ATP6V0E1: variants seen among roughly 807,000 people sequenced by gnomAD.
ATP6V0E1 encodes V-type proton ATPase subunit e 1.
A neutral mutation model predicts 11.6 loss-of-function variants in ATP6V0E1; 4 were observed. The ratio of observed to expected loss-of-function variants is 0.35; its 90% confidence interval spans 0.17 to 0.79. The LOEUF (loss-of-function observed/expected upper bound fraction) is 0.79, where lower values mean the gene tolerates loss of function less well. Ranked by LOEUF, ATP6V0E1 falls within the 30% of genes least tolerant of loss-of-function variation. The probability of loss-of-function intolerance (pLI) is 0.54; values close to 1 mark genes in which losing one functional copy is unlikely to be tolerated. For synonymous variants in ATP6V0E1, 36 were observed against 34.8 expected (o/e 1.04, Z -0.13); for missense variants, 105 against 100.0 (o/e 1.05, Z -0.21).
intron 2 of ATP6V0E1, among the ~76,000 whole-genome samples, chr5:173,003,868 C>T (rs557703591): frequency 6.6e-6 from 1 of 152,224 alleles, no homozygotes; most frequent in South Asian, 2.1e-4. Context: ...AGATTTGAGG[C>T]CATGAGAACA....
intron 3 of ATP6V0E1, among the ~76,000 whole-genome samples, chr5:173,032,495 T>C (rs1298904044): frequency 6.6e-6 from 1 of 151,946 alleles, no homozygotes; most frequent in East Asian, 1.9e-4. Context: ...TTTACCATGC[T>C]GGCCAGGCTG....
intron 2 of ATP6V0E1, 150 bp downstream of exon 2, chr5:172,994,972 T>G: frequency 1.6e-6 from 1 of 622,744 alleles, no homozygotes. Context: ...TCAGTATATT[T>G]ATGTAGAGTT....
At chr5:173,008,470 T>G (rs1756262805) in intron 2 of ATP6V0E1, among the ~76,000 whole-genome samples, 1 of 150,832 alleles carries the variant, frequency 6.6e-6, no homozygotes, top group African/African-American at 2.4e-5. Context: ...CCAGCTAATT[T>G]TTGTTGTTTT....
At chr5:173,015,576 C>T (rs1756388040) in intron 2 of ATP6V0E1, among the ~76,000 whole-genome samples, 1 of 152,124 alleles carries the variant, frequency 6.6e-6, no homozygotes, top group South Asian at 2.1e-4. Context: ...CACAATGAAG[C>T]TTCCATAAAA....
In ATP6V0E1 at chr5:173,029,892, A is replaced by G. The variant is rs111399917; in HGVS notation, c.*37-4507A>G. On this transcript the variant is annotated intron_variant, in intron 3 of 3. Transcript: ENST00000519374. ...TCCCCAGTCTGCCTTCCTTCTCACT[A>G]CTTTCCCCTCCAGGCCCTAGTGGTG... Among the ~76,000 whole-genome samples the G allele has an allele frequency of 3.3e-3, 504 of 152,168 alleles. 2 individuals are homozygous for G. Among genetic ancestry groups the G allele is most frequent in the African/African-American group, 0.012 (483 of 41,518 alleles).
intron 2 of ATP6V0E1, among the ~76,000 whole-genome samples, chr5:173,005,336 G>A (rs1756213761): frequency 6.6e-6 from 1 of 152,050 alleles, no homozygotes; most frequent in African/African-American, 2.4e-5. Flanking sequence ...CAAATGTTTT[G>A]TAATTTTTGG....
At chr5:172,986,796 T>A in intron 1 of ATP6V0E1, 1 of 435,760 alleles carries the variant, frequency 2.3e-6, no homozygotes, top group Non-Finnish European at 4.6e-6. Flanking sequence ...TTTGTTTGTT[T>A]GTTTGTTTTT....
In ATP6V0E1 at chr5:173,024,477, AC is replaced by A. The variant is rs1756527137; in HGVS notation, c.*36+4111del. 5.9e-5 allele frequency among the ~76,000 whole-genome samples: 9 copies of A among 151,822 alleles called. No homozygotes were observed. The South Asian group carries it at 1.9e-3, about 32-fold the overall frequency. On this transcript the variant is annotated intron_variant, in intron 3 of 3. Transcript: ENST00000519374. The stretch of plus-strand genomic sequence containing the variant: ...GGTGTTAGTTTTTGGTAGTTTCCTT[AC>A]TTTCTGGCAACATCAAAATGTCCAG...
intron 1 of ATP6V0E1, among the ~76,000 whole-genome samples, chr5:172,994,238 C>T (rs540959084): frequency 4.3e-4 from 65 of 152,176 alleles, no homozygotes; most frequent in Admixed American, 1.0e-3. Flanking sequence ...GTGAAAATGG[C>T]AGAGCTTCTT....
intron 1 of ATP6V0E1, among the ~76,000 whole-genome samples, chr5:172,993,127 T>C (rs1296721005): frequency 6.6e-6 from 1 of 152,208 alleles, no homozygotes; most frequent in Non-Finnish European, 1.5e-5. Flanking sequence ...CTGTTTTGTT[T>C]CCTGTTCTCT....
chr5:172,992,538 A>G lies in ATP6V0E1; in HGVS notation c.105-2237A>G, dbSNP rs112380890. On this transcript the variant is annotated intron_variant, in intron 1 of 3. Transcript: ENST00000519374. ...CTTTGACATTACTTCTGCCTGGAAC[A>G]CTCCGTCACCTTGTTCAGGTCTGCA... Among the ~76,000 whole-genome samples the G allele has an allele frequency of 8.1e-3, 1,227 of 151,598 alleles. 13 individuals are homozygous for G. Among genetic ancestry groups the G allele is most frequent in the African/African-American group, 0.028 (1,173 of 41,338 alleles).
chr5:173,010,706 G>A (rs777491773), intron 2 of ATP6V0E1, among the ~76,000 whole-genome samples: 2 of 152,214 alleles, frequency 1.3e-5, no homozygotes, highest in Admixed American at 6.5e-5. Flanking sequence ...CACCGACAGA[G>A]GTCACTGCTG....
Position 173,020,238 on chromosome 5 carries a change from T to C in ATP6V0E1, c.153T>C (p.Phe51=). The change falls in exon 3 of 4, where the codon TTT becomes TTC. Residue 51 remains phenylalanine, a splice_region_variant and synonymous_variant. Transcript: ENST00000519374. ...TGTTTCTCTCCCATCCTTCTTTTAG[T>C]TGGCTGATTGCAATTCTGGCCCAAC... ...LVTCSVCCYL[F]WLIAILAQLN... The C allele has an allele frequency of 6.2e-7, 1 of 1,611,634 alleles. No individual in the cohort carries two copies. Among genetic ancestry groups the C allele is most frequent in the Middle Eastern group, 1.7e-4 (1 of 6,048 alleles).
At chr5:173,023,505 A>G (rs532136121) in intron 3 of ATP6V0E1, among the ~76,000 whole-genome samples, 3 of 152,330 alleles carry the variant, frequency 2.0e-5, no homozygotes, top group African/African-American at 2.4e-5. Context: ...TGATTTTTCA[A>G]TTGTATTATT....
intron 3 of ATP6V0E1, among the ~76,000 whole-genome samples, chr5:173,025,053 G>A (rs1205785113): frequency 6.6e-6 from 1 of 151,082 alleles, no homozygotes; most frequent in Admixed American, 6.6e-5. Flanking sequence ...ATGTTGGTCA[G>A]GCTGGTCTCG....
At chr5:173,016,663 G>A (rs1037529799) in intron 2 of ATP6V0E1, among the ~76,000 whole-genome samples, 27 of 152,198 alleles carry the variant, frequency 1.8e-4, no homozygotes, top group African/African-American at 6.5e-4. Context: ...CAGGCAGCTT[G>A]TATTGCCTGC....
chr5:172,983,961 G>C lies in ATP6V0E1; in HGVS notation c.101G>C (p.Arg34Pro). 3.7e-6 allele frequency: 6 copies of C among 1,612,400 alleles called. No homozygotes were observed. The highest frequency in any genetic ancestry group is 5.1e-6 in the Non-Finnish European group (6 of 1,179,690). Residue 34 changes from arginine (R) to proline (P), a missense_variant, in exon 1 of 4, where the codon CGG (arginine) becomes CCG (proline). Arg to Pro is a moderately radical substitution (Grantham distance 103). Coordinates refer to ENST00000519374, the MANE Select transcript of ATP6V0E1 (RefSeq NM_003945.4). Reference sequence around the variant, plus strand: ...TGGTTCATCCCTAAGGGTCCTAACCGGGGGTAAGTGCGTGAGGCCCGCCTT... The same window carrying C: ...TGGTTCATCCCTAAGGGTCCTAACCCGGGGTAAGTGCGTGAGGCCCGCCTT... ...VPWFIPKGPN[R>P]GVIITMLVTC... is the part of the protein sequence containing the mutation.
At chr5:172,996,170 A>G (rs192520447) in intron 2 of ATP6V0E1, among the ~76,000 whole-genome samples, 83 of 152,342 alleles carry the variant, frequency 5.4e-4, no homozygotes, top group Non-Finnish European at 1.1e-3. Flanking sequence ...AGAGGACCAT[A>G]ACAAAATAGA....
intron 3 of ATP6V0E1, among the ~76,000 whole-genome samples, chr5:173,023,017 G>A (rs2339744): frequency 0.4 from 60,870 of 151,330 alleles, 14,571 homozygotes; most frequent in East Asian, 0.73. Context: ...GCAGCACCAC[G>A]TGTGACTTTT....
Sources: allele counts gnomAD v4.1 joint callset (sites outside exome capture counted in the v4.1 genomes callset), GRCh38; gene constraint gnomAD v4.1.1; transcripts MANE v1.5; gene names NCBI Gene and HGNC (gene_info 2026-07-23, HGNC 2026-07-21).